The following KCNIP4 variants were observed in gnomAD, a reference collection of about 807,000 sequenced individuals.
The protein encoded by KCNIP4 is potassium voltage-gated channel interacting protein 4, also known as Kv channel-interacting protein 4.
In KCNIP4, 12 loss-of-function variants were observed where a neutral mutation model predicts 34.0. That is an observed-to-expected ratio of 0.35 (90% confidence interval 0.23 to 0.57). KCNIP4 has a LOEUF of 0.57. Among genes scored for constraint, KCNIP4 ranks in the 20% least tolerant of loss-of-function variants. The pLI is 0.83. For missense variants in KCNIP4, 238 were observed against 311.7 expected (o/e 0.76, Z 1.78); for synonymous variants, 124 against 102.2 (o/e 1.21, Z -1.29).
chr4:21,887,376 C>A (rs1475036366), intron 1 of KCNIP4, among the ~76,000 whole-genome samples: 1 of 152,120 alleles, frequency 6.6e-6, no homozygotes, highest in Non-Finnish European at 1.5e-5. Flanking sequence ...TCTCTGGTAT[C>A]TTCTTACAAG....
chr4:21,755,860 C>A, intron 1 of KCNIP4, among the ~76,000 whole-genome samples: 1 of 152,144 alleles, frequency 6.6e-6, no homozygotes, highest in East Asian at 1.9e-4. Flanking sequence ...GTCACAATTT[C>A]TATAGTTGCT....
At chr4:21,624,397 A>T (rs1204069066) in intron 1 of KCNIP4, among the ~76,000 whole-genome samples, 2 of 152,128 alleles carry the variant, frequency 1.3e-5, no homozygotes, top group African/African-American at 4.8e-5. Flanking sequence ...CTAAGTGAAA[A>T]TGTCACCACA....
chr4:20,843,256 A>G (rs1457095914), intron 3 of KCNIP4, among the ~76,000 whole-genome samples: 1 of 152,116 alleles, frequency 6.6e-6, no homozygotes, highest in African/African-American at 2.4e-5. Flanking sequence ...TTGTCAAAAT[A>G]ATCTCTCCAC....
chr4:21,927,953 A>G (rs1729357185), intron 1 of KCNIP4, among the ~76,000 whole-genome samples: 1 of 152,074 alleles, frequency 6.6e-6, no homozygotes, highest in Admixed American at 6.6e-5. Context: ...AGGGCCTGAC[A>G]CCTACAAGAG....
intron 1 of KCNIP4, among the ~76,000 whole-genome samples, chr4:21,236,560 G>A (rs1343456360): frequency 6.6e-6 from 1 of 152,118 alleles, no homozygotes; most frequent in East Asian, 1.9e-4. Context: ...CTGATTTAGA[G>A]AGTGTTTCAA....
intron 1 of KCNIP4, among the ~76,000 whole-genome samples, chr4:21,097,162 T>C (rs928596152): frequency 7.2e-5 from 11 of 152,200 alleles, no homozygotes; most frequent in Non-Finnish European, 1.0e-4. Flanking sequence ...ATAGCAACTT[T>C]ATTCACAATA....
chr4:21,438,994 C>T (rs1266845170), intron 1 of KCNIP4, among the ~76,000 whole-genome samples: 1 of 152,044 alleles, frequency 6.6e-6, no homozygotes, highest in Non-Finnish European at 1.5e-5. Context: ...AACCCCTTCT[C>T]TACTAAAAAT....
intron 1 of KCNIP4, among the ~76,000 whole-genome samples, chr4:20,969,385 C>T (rs1293432339): frequency 1.3e-5 from 2 of 152,208 alleles, no homozygotes; most frequent in Non-Finnish European, 2.9e-5. Flanking sequence ...CACCAACACC[C>T]ACTAACACTG....
intron 3 of KCNIP4, among the ~76,000 whole-genome samples, chr4:20,777,802 A>G (rs1193792476): frequency 2.0e-5 from 3 of 152,218 alleles, no homozygotes; most frequent in Non-Finnish European, 4.4e-5. Context: ...AAGTTGGGAA[A>G]CCAGTAATTA....
chr4:21,153,513 G>GTA, intron 1 of KCNIP4, among the ~76,000 whole-genome samples: 1 of 61,478 alleles, frequency 1.6e-5, no homozygotes, highest in Non-Finnish European at 3.3e-5. Context: ...ATATGTGTGT[G>GTA]TGTATATATA....
chr4:20,872,241 G>A (rs1033907049), intron 2 of KCNIP4, among the ~76,000 whole-genome samples: 7 of 152,088 alleles, frequency 4.6e-5, no homozygotes, highest in African/African-American at 1.7e-4. Context: ...TTTCTCCCCA[G>A]CCTCAAAGGA....
At chr4:21,742,014 GC>G (rs1350338297) in intron 1 of KCNIP4, among the ~76,000 whole-genome samples, 4 of 152,018 alleles carry the variant, frequency 2.6e-5, no homozygotes, top group African/African-American at 9.7e-5. Flanking sequence ...TCCAGCCTAG[GC>G]AACAGAGCGA....
At chr4:21,517,278 C>T (rs2109938372) in intron 1 of KCNIP4, among the ~76,000 whole-genome samples, 1 of 152,146 alleles carries the variant, frequency 6.6e-6, no homozygotes, top group South Asian at 2.1e-4. Flanking sequence ...CTGTAAATAA[C>T]CATAAACACA....
At chr4:20,912,096 T>G (rs1577355354) in intron 1 of KCNIP4, among the ~76,000 whole-genome samples, 1 of 152,304 alleles carries the variant, frequency 6.6e-6, no homozygotes, top group East Asian at 1.9e-4. Context: ...CTTCATAATC[T>G]TGCACTAGTA....
intron 2 of KCNIP4, among the ~76,000 whole-genome samples, chr4:20,861,365 G>C (rs971349688): frequency 6.6e-6 from 1 of 152,146 alleles, no homozygotes; most frequent in African/African-American, 2.4e-5. Flanking sequence ...CACATGGAGA[G>C]TATAGAAGCA....
intron 1 of KCNIP4, among the ~76,000 whole-genome samples, chr4:21,640,197 C>G (rs1746508231): frequency 1.3e-5 from 2 of 152,180 alleles, no homozygotes; most frequent in Admixed American, 1.3e-4. Context: ...TTTGACTCTG[C>G]TTTCCATCAT....
intron 1 of KCNIP4, among the ~76,000 whole-genome samples, chr4:21,873,852 G>C (rs183381624): frequency 2.6e-5 from 4 of 152,164 alleles, no homozygotes; most frequent in African/African-American, 9.7e-5. Context: ...AAACAACAGA[G>C]GGCATTTATC....
intron 1 of KCNIP4, among the ~76,000 whole-genome samples, chr4:21,066,733 G>T (rs1744425877): frequency 6.6e-6 from 1 of 152,184 alleles, no homozygotes; most frequent in South Asian, 2.1e-4. Flanking sequence ...CGTCCCAGTT[G>T]TCAGAACATG....
At chr4:21,406,341 T>G (rs764858759) in intron 1 of KCNIP4, among the ~76,000 whole-genome samples, 1 of 152,274 alleles carries the variant, frequency 6.6e-6, no homozygotes, top group African/African-American at 2.4e-5. Context: ...CCTAATCTAA[T>G]AGTGCAAAAG....
Sources: allele counts gnomAD v4.1 joint callset (sites outside exome capture counted in the v4.1 genomes callset), GRCh38; gene constraint gnomAD v4.1.1; transcripts MANE v1.5; gene names NCBI Gene and HGNC (gene_info 2026-07-23, HGNC 2026-07-21).